The following PIAS1 variants were observed in gnomAD, a reference collection of about 807,000 sequenced individuals.
The protein encoded by PIAS1 is protein inhibitor of activated STAT 1, also known as E3 SUMO-protein ligase PIAS1.
A neutral mutation model predicts 71.3 loss-of-function variants in PIAS1; 6 were observed. The observed-to-expected ratio is 0.08, with a 90% confidence interval of 0.05 to 0.17. The LOEUF is 0.17. Among genes scored for constraint, PIAS1 ranks in the 10% least tolerant of loss-of-function variants. PIAS1 has a pLI of 1.00. For synonymous variants in PIAS1, 303 were observed against 292.9 expected, an observed-to-expected ratio of 1.03 and a Z score of -0.35; for missense variants, 555 against 793.6, an observed-to-expected ratio of 0.70 and a Z score of 3.61.
intron 1 of PIAS1, among the ~76,000 whole-genome samples, chr15:68,067,620 T>C (rs2092043338): frequency 6.6e-6 from 1 of 152,086 alleles, no homozygotes; most frequent in Non-Finnish European, 1.5e-5. Flanking sequence ...ATAATAATGA[T>C]TCTTAAATAG....
intron 5 of PIAS1, among the ~76,000 whole-genome samples, chr15:68,146,134 T>C (rs2092806350): frequency 6.6e-6 from 1 of 152,172 alleles, no homozygotes; most frequent in South Asian, 2.1e-4. Flanking sequence ...AGTGTTGTAC[T>C]GGATTTTGGG....
chr15:68,129,258 G>A (rs2092672623), intron 2 of PIAS1, among the ~76,000 whole-genome samples: 1 of 152,058 alleles, frequency 6.6e-6, no homozygotes, highest in Admixed American at 6.6e-5. Flanking sequence ...TGTAGAGACA[G>A]GGTCTCACTA....
Position 68,173,902 on chromosome 15 carries a change from T to C in PIAS1, c.1169+10T>C, listed in dbSNP as rs528114192. 1 of 1,472,206 alleles carries C rather than the reference T, an allele frequency of 6.8e-7. No individual in the cohort carries two copies. The highest frequency in any genetic ancestry group is 2.0e-5 in the Admixed American group (1 of 49,152). 91.2% of individuals were successfully genotyped at this position (1,472,206 alleles called of 1,614,324 possible). ...ACCTTATTATTGATGGGTATGTTAC[T>C]TTAAGTGTTTTTGGTACCTTGAAAT... is the stretch of plus-strand genomic sequence containing the variant. On this transcript the variant is annotated intron_variant, in intron 9 of 13. Transcript: ENST00000249636. The surrounding 1 kb of genome is among the most constrained non-coding windows in gnomAD (Gnocchi z 4.3).
rs191093721 is a variant in PIAS1 at position 68,100,455 on chromosome 15, C to G, written c.469+13705C>G. Among the ~76,000 whole-genome samples, 28 of 152,256 alleles carry G rather than the reference C, an allele frequency of 1.8e-4. No individual in the cohort carries two copies. In the East Asian group the frequency reaches 5.0e-3, roughly 27 times the overall value. Reference sequence around the variant, plus strand: ...TAGCCCCAGTGGTTCATCCAAGTTGCTGTGTATATCACTAGTTTGTTCCTT... The same window carrying G: ...TAGCCCCAGTGGTTCATCCAAGTTGGTGTGTATATCACTAGTTTGTTCCTT... On this transcript the variant is annotated intron_variant, in intron 2 of 13. Transcript: ENST00000249636.
chr15:68,103,958 A>G (rs530086175), intron 2 of PIAS1, among the ~76,000 whole-genome samples: 25 of 152,344 alleles, frequency 1.6e-4, no homozygotes, highest in African/African-American at 6.0e-4. Flanking sequence ...AATACCTAGA[A>G]CTAGAAATGC....
chr15:68,073,014 ATTTC>A (rs139455065), intron 1 of PIAS1, among the ~76,000 whole-genome samples: 4,041 of 151,898 alleles, frequency 0.027, 166 homozygotes, highest in African/African-American at 0.092. Context: ...TATATGTATA[ATTTC>A]TTTTTTTATT....
intron 2 of PIAS1, among the ~76,000 whole-genome samples, chr15:68,134,983 T>G (rs1163360312): frequency 1.9e-4 from 5 of 26,294 alleles, no homozygotes; most frequent in African/African-American, 3.4e-4. Context: ...CCCCCCCACC[T>G]CCCTCCCGGA....
At chr15:68,144,890 G>A (rs919584618) in intron 4 of PIAS1, among the ~76,000 whole-genome samples, 3 of 152,024 alleles carry the variant, frequency 2.0e-5, no homozygotes, top group Non-Finnish European at 4.4e-5. Context: ...AGATTTCATG[G>A]CCAGCAGGTT....
At chr15:68,101,870 C>A (rs758171215) in intron 2 of PIAS1, among the ~76,000 whole-genome samples, 72 of 152,298 alleles carry the variant, frequency 4.7e-4, no homozygotes, top group Non-Finnish European at 4.6e-4. Flanking sequence ...CCTGCCTCAG[C>A]CTTCTGAGTA....
At chr15:68,088,168 A>ATGTG (rs1555424824) in intron 2 of PIAS1, among the ~76,000 whole-genome samples, 12 of 119,976 alleles carry the variant, frequency 1.0e-4, no homozygotes, top group South Asian at 2.9e-4. Context: ...CTGTCTGATT[A>ATGTG]TGTGTGTGTA....
At position 68,155,604 on chromosome 15, in the gene PIAS1, A is replaced by C. The variant is rs1266619994; in HGVS notation, c.934+1909A>C. Among the ~76,000 whole-genome samples, 6 of 152,136 alleles carry C rather than the reference A, an allele frequency of 3.9e-5. 1 individual carries two copies. Among genetic ancestry groups the C allele is most frequent in the Non-Finnish European group, 8.8e-5 (6 of 68,006 alleles). On this transcript the variant is annotated intron_variant, in intron 7 of 13. Coordinates refer to ENST00000249636, the MANE Select transcript of PIAS1 (RefSeq NM_016166.3). ...CTTTGTAAGTCATTCTTAATAAAATAAGTACTTCTAGCAAAGTTTTAGTAG... is the reference window on the plus strand; with the variant it reads ...CTTTGTAAGTCATTCTTAATAAAATCAGTACTTCTAGCAAAGTTTTAGTAG...
intron 1 of PIAS1, among the ~76,000 whole-genome samples, chr15:68,066,459 A>T (rs761201448): frequency 6.6e-6 from 1 of 152,200 alleles, no homozygotes; most frequent in African/African-American, 2.4e-5. Flanking sequence ...TAAATGAAAA[A>T]TTCCCTAACT....
Position 68,054,572 on chromosome 15 carries a change from GTTA to G in PIAS1, c.24+225_24+227del, listed in dbSNP as rs1238437598. 2 of 465,570 alleles carry G rather than the reference GTTA, an allele frequency of 4.3e-6. No homozygotes were observed. The highest frequency in any genetic ancestry group is 7.6e-6 in the Non-Finnish European group (2 of 263,150). 28.8% of individuals were successfully genotyped at this position (465,570 alleles called of 1,614,324 possible). ...GGCGCTGACGGGTCGTCCCCGGCGT[GTTA>G]TTGTTGTGGGCGCCTCTGGCGGGGG... On this transcript the variant is annotated intron_variant, in intron 1 of 13. Coordinates refer to ENST00000249636, the MANE Select transcript of PIAS1 (RefSeq NM_016166.3). The surrounding 1 kb of genome is among the most constrained non-coding windows in gnomAD (Gnocchi z 4.6).
At chr15:68,072,845 G>GT (rs1597131483) in intron 1 of PIAS1, among the ~76,000 whole-genome samples, 1 of 152,022 alleles carries the variant, frequency 6.6e-6, no homozygotes, top group Admixed American at 6.6e-5. Context: ...AATTGAAAAT[G>GT]TTTTTACAAC....
At chr15:68,126,418 C>CT (rs1267724345) in intron 2 of PIAS1, among the ~76,000 whole-genome samples, 2 of 151,868 alleles carry the variant, frequency 1.3e-5, no homozygotes, top group South Asian at 2.1e-4. Flanking sequence ...ACAGATGTTT[C>CT]TTTTTTTTAA....
At chr15:68,154,628 C>T (rs565112995) in intron 7 of PIAS1, among the ~76,000 whole-genome samples, 3 of 152,210 alleles carry the variant, frequency 2.0e-5, no homozygotes, top group African/African-American at 7.2e-5. Context: ...GTAAAAGATC[C>T]CACTACCCCT....
intron 2 of PIAS1, among the ~76,000 whole-genome samples, chr15:68,108,768 C>G (rs2092495785): frequency 1.3e-5 from 2 of 152,132 alleles, no homozygotes; most frequent in South Asian, 2.1e-4. Context: ...TATCCTGACT[C>G]TTCTCTTTTG....
intron 4 of PIAS1, among the ~76,000 whole-genome samples, chr15:68,142,633 AC>A (rs1484447053): frequency 1.1e-4 from 2 of 18,506 alleles, no homozygotes; most frequent in African/African-American, 2.1e-4. Context: ...CTGCCCGCCC[AC>A]CCCCCAGTTT....
At chr15:68,106,953 A>T (rs1048416477) in intron 2 of PIAS1, among the ~76,000 whole-genome samples, 1 of 152,176 alleles carries the variant, frequency 6.6e-6, no homozygotes, top group African/African-American at 2.4e-5. Flanking sequence ...AAAATAATTC[A>T]TGAGTGTTTA....
Sources: allele counts gnomAD v4.1 joint callset (sites outside exome capture counted in the v4.1 genomes callset), GRCh38; gene constraint gnomAD v4.1.1; non-coding constraint Gnocchi (gnomAD v3.1); transcripts MANE v1.5; gene names NCBI Gene and HGNC (gene_info 2026-07-23, HGNC 2026-07-21).